CSMD1: variants seen among roughly 807,000 people sequenced by gnomAD.
CSMD1 encodes CUB and sushi domain-containing protein 1.
CSMD1 carries 213 observed loss-of-function variants against 417.5 expected under a neutral mutation model. The observed-to-expected ratio is 0.51, with a 90% confidence interval of 0.46 to 0.57. CSMD1 has a LOEUF of 0.57. CSMD1 is among the 20% of genes least tolerant of loss of function. The pLI is 0.00. For synonymous variants in CSMD1, 2,862 were observed against 1,736.8 expected (o/e 1.65, Z -16.11); for missense variants, 6,923 against 4,529.7 (o/e 1.53, Z -15.17).
chr8:3,633,296 C>G (rs1196034790), intron 7 of CSMD1, among the ~76,000 whole-genome samples: 2 of 152,144 alleles, frequency 1.3e-5, no homozygotes, highest in African/African-American at 4.8e-5. Flanking sequence ...AAAATGCATA[C>G]TCAGAAGTGC....
At chr8:4,433,810 G>C (rs1046280317) in intron 2 of CSMD1, among the ~76,000 whole-genome samples, 8 of 151,460 alleles carry the variant, frequency 5.3e-5, no homozygotes, top group African/African-American at 1.7e-4. Context: ...TCCTTTGCAA[G>C]ATACTTTTAA....
intron 7 of CSMD1, among the ~76,000 whole-genome samples, chr8:3,685,731 CT>C (rs35755010): frequency 0.44 from 65,953 of 151,088 alleles, 14,603 homozygotes; most frequent in Admixed American, 0.57. Context: ...CAATTTCTTT[CT>C]TTTTTTTTAT....
chr8:3,896,505 C>G (rs556894841), intron 5 of CSMD1, among the ~76,000 whole-genome samples: 3 of 151,024 alleles, frequency 2.0e-5, no homozygotes, highest in Non-Finnish European at 3.0e-5. Flanking sequence ...AATATTATTA[C>G]TATTATTATT....
At chr8:4,287,043 G>C (rs1015942374) in intron 3 of CSMD1, among the ~76,000 whole-genome samples, 2 of 152,186 alleles carry the variant, frequency 1.3e-5, no homozygotes, top group African/African-American at 4.8e-5. Flanking sequence ...TTTAGAGAAT[G>C]ATTGTACACT....
intron 12 of CSMD1, among the ~76,000 whole-genome samples, chr8:3,460,296 GA>G (rs2117148665): frequency 6.6e-6 from 1 of 152,064 alleles, no homozygotes; most frequent in East Asian, 1.9e-4. Context: ...TAAAAGAGAG[GA>G]AAAAAGGAAG....
At chr8:3,314,696 C>T (rs560012002) in intron 23 of CSMD1, among the ~76,000 whole-genome samples, 63 of 152,286 alleles carry the variant, frequency 4.1e-4, no homozygotes, top group Middle Eastern at 3.4e-3. Context: ...ATTACTTCTC[C>T]ATATATGTTG....
At chr8:4,870,524 G>T (rs1053218435) in intron 1 of CSMD1, among the ~76,000 whole-genome samples, 3 of 152,070 alleles carry the variant, frequency 2.0e-5, no homozygotes, top group Non-Finnish European at 2.9e-5. Flanking sequence ...CTTGGCCAAG[G>T]AGTCTGCATA....
intron 5 of CSMD1, among the ~76,000 whole-genome samples, chr8:3,843,090 CTTT>C (rs1803240278): frequency 6.6e-6 from 1 of 152,038 alleles, no homozygotes; most frequent in South Asian, 2.1e-4. Flanking sequence ...ATCGTTTTCT[CTTT>C]TTATTTATTC....
intron 5 of CSMD1, among the ~76,000 whole-genome samples, chr8:3,953,698 G>C (rs1011406803): frequency 1.3e-5 from 2 of 152,072 alleles, no homozygotes; most frequent in African/African-American, 4.8e-5. Flanking sequence ...GGGGTGAGGG[G>C]TGGATAGGCA....
chr8:3,640,196 G>T (rs939592846), intron 7 of CSMD1, among the ~76,000 whole-genome samples: 1 of 152,172 alleles, frequency 6.6e-6, no homozygotes, highest in Non-Finnish European at 1.5e-5. Context: ...GGATATTGCA[G>T]TCATGTGGGG....
At chr8:3,954,352 T>C (rs962576312) in intron 5 of CSMD1, among the ~76,000 whole-genome samples, 1 of 151,632 alleles carries the variant, frequency 6.6e-6, no homozygotes, top group Non-Finnish European at 1.5e-5. Context: ...GCCATTTAAC[T>C]GGGATCCTAG....
rs1181202944 is a variant in CSMD1, at chr8:3,838,654, A to C, written c.819-84612T>G. Reference sequence around the variant, plus strand: ...ATATAATAAATTAATATTATATAGTATAATATATAATAAATTAATATTATA... The same window carrying C: ...ATATAATAAATTAATATTATATAGTCTAATATATAATAAATTAATATTATA... On this transcript the variant is annotated intron_variant, in intron 5 of 69. Transcript: ENST00000635120. Among the ~76,000 whole-genome samples, 3 of 120,464 alleles carry C rather than the reference A, an allele frequency of 2.5e-5. 1 individual carries two copies. Among genetic ancestry groups the C allele is most frequent in the African/African-American group, 1.0e-4 (3 of 29,796 alleles). The allele number at this position is 120,464 out of a possible 152,430, so 79.0% of individuals were successfully genotyped here.
chr8:3,556,500 A>C lies in CSMD1; in HGVS notation c.1344+18445T>G, dbSNP rs945565086. Among the ~76,000 whole-genome samples the C allele has an allele frequency of 4.4e-5, 6 of 137,832 alleles. No individual in the cohort carries two copies. The South Asian group carries it at 9.4e-4, about 22-fold the overall frequency. 90.4% of individuals were successfully genotyped at this position (137,832 alleles called of 152,430 possible). ...AGCCAAAATTATCAAACAAAATACA[A>C]ACTTCTTTTTCACACGCACACACAC... On this transcript the variant is annotated intron_variant, in intron 10 of 69. Coordinates refer to ENST00000635120, the MANE Select transcript of CSMD1 (RefSeq NM_033225.6).
At position 3,533,432 on chromosome 8, in the gene CSMD1, G is replaced by A. The variant is rs572064123; in HGVS notation, c.1345-39706C>T. 1.3e-3 allele frequency among the ~76,000 whole-genome samples: 202 copies of A among 152,180 alleles called. 1 individual carries two copies. The highest frequency in any genetic ancestry group is 4.7e-3 in the African/African-American group (197 of 41,530). ...ATAACAGTGGTTTGACTCTGTCAGC[G>A]TCTATGAGTTTAACTCCTTTAGATT... On this transcript the variant is annotated intron_variant, in intron 10 of 69. Transcript: ENST00000635120.
chr8:3,211,587 G>A (rs1797610343), intron 30 of CSMD1, among the ~76,000 whole-genome samples: 1 of 152,200 alleles, frequency 6.6e-6, no homozygotes, highest in Non-Finnish European at 1.5e-5. Flanking sequence ...TTATGCCTGT[G>A]GAATTTATCC....
intron 3 of CSMD1, among the ~76,000 whole-genome samples, chr8:4,149,560 A>G (rs1266084240): frequency 1.3e-5 from 2 of 152,228 alleles, no homozygotes; most frequent in African/African-American, 4.8e-5. Context: ...AATTCTAAGT[A>G]CAGATCAAAA....
chr8:3,359,379 G>T (rs749825652), intron 20 of CSMD1, 39 bp from the exon 21 acceptor site: 1 of 1,484,578 alleles, frequency 6.7e-7, no homozygotes, highest in Non-Finnish European at 9.3e-7. Flanking sequence ...ATGAGGATTT[G>T]GGTAAATACA....
chr8:4,485,385 T>A (rs1382144199), intron 2 of CSMD1, among the ~76,000 whole-genome samples: 4 of 152,184 alleles, frequency 2.6e-5, no homozygotes, highest in Non-Finnish European at 4.4e-5. Flanking sequence ...ATGAAACCAT[T>A]GCCCTACAGA....
intron 1 of CSMD1, among the ~76,000 whole-genome samples, chr8:4,862,474 G>C (rs1054249021): frequency 1.3e-5 from 2 of 152,074 alleles, no homozygotes; most frequent in African/African-American, 4.8e-5. Context: ...TAAAAAGAAT[G>C]GTTAAAAGTC....
Sources: gnomAD v4.1 joint callset for allele counts (sites outside exome capture counted in the v4.1 genomes callset) on GRCh38, gnomAD v4.1.1 for gene constraint, MANE v1.5 for transcripts, NCBI Gene and HGNC (gene_info 2026-07-23, HGNC 2026-07-21) for gene names.